CACNA1D: variants seen among roughly 807,000 people sequenced by gnomAD.
CACNA1D encodes the protein calcium voltage-gated channel subunit alpha1 D, also known as voltage-dependent L-type calcium channel subunit alpha-1D.
Under a neutral mutation model 257.1 loss-of-function variants are expected in CACNA1D, and 55 were observed. The ratio of observed to expected loss-of-function variants is 0.21; its 90% CI spans 0.17 to 0.27. The LOEUF is 0.27. Among genes scored for constraint, CACNA1D ranks in the 10% least tolerant of loss-of-function variants. CACNA1D has a pLI of 1.00. For synonymous variants in CACNA1D, 980 were observed against 1,014.9 expected, an observed-to-expected ratio of 0.97 and a Z score of 0.65; for missense variants, 1,876 against 2,784.0, an observed-to-expected ratio of 0.67 and a Z score of 7.34.
In CACNA1D at chr3:53,813,525, C is replaced by T. The variant is rs2095609842; in HGVS notation, c.*2119C>T. ...ACACCACTGTCAACATTATCCTGGA[C>T]TCTGTGTCTCTCTCTGTTGGGTCTT... On this transcript the variant is annotated 3_prime_UTR_variant, in exon 48 of 48. Transcript: ENST00000350061. 1 of 152,226 alleles carries T rather than the reference C, an allele frequency of 6.6e-6. No homozygotes were observed. The highest frequency in any genetic ancestry group is 1.5e-5 in the Non-Finnish European group (1 of 68,048). 9.4% of individuals were successfully genotyped at this position (152,226 alleles called of 1,614,324 possible). A position where few individuals can be genotyped will look rare whatever the true frequency, so the allele number is the denominator to read the frequency against.
At chr3:53,776,162 C>T in intron 35 of CACNA1D, 117 bp downstream of exon 35, 1 of 935,986 alleles carries the variant, frequency 1.1e-6, no homozygotes, top group Non-Finnish European at 1.7e-6. Context: ...TGGATGAGCA[C>T]TCTGGACTCC....
chr3:53,714,515 C>T (rs925230228), intron 9 of CACNA1D, among the ~76,000 whole-genome samples: 4 of 152,168 alleles, frequency 2.6e-5, no homozygotes, highest in Admixed American at 6.5e-5. Context: ...GTGCTGTCGT[C>T]GGTCACTGAG....
At chr3:53,794,067 T>C (rs575910493) in intron 40 of CACNA1D, among the ~76,000 whole-genome samples, 1 of 152,346 alleles carries the variant, frequency 6.6e-6, no homozygotes, top group East Asian at 1.9e-4. Context: ...TCCACAGGAC[T>C]ATTGGGTACT....
At chr3:53,668,378 G>A (rs780974148) in intron 7 of CACNA1D, among the ~76,000 whole-genome samples, 22 of 152,236 alleles carry the variant, frequency 1.4e-4, no homozygotes, top group African/African-American at 2.2e-4. Flanking sequence ...AAAAGTTTCC[G>A]CTTACTTTCC....
chr3:53,511,492 A>C (rs141960016), intron 3 of CACNA1D, among the ~76,000 whole-genome samples: 3 of 152,214 alleles, frequency 2.0e-5, no homozygotes, highest in Admixed American at 1.3e-4. Flanking sequence ...TGTAAGGTAC[A>C]TTGTTGGAGC....
At chr3:53,496,382 C>T (rs1337289039) in intron 1 of CACNA1D, among the ~76,000 whole-genome samples, 1 of 152,218 alleles carries the variant, frequency 6.6e-6, no homozygotes, top group Non-Finnish European at 1.5e-5. Context: ...ATAATCCAGT[C>T]AGTCTATCCT....
chr3:53,504,803 C>CA (rs1280964710), intron 3 of CACNA1D, among the ~76,000 whole-genome samples: 1 of 152,092 alleles, frequency 6.6e-6, no homozygotes, highest in Non-Finnish European at 1.5e-5. Flanking sequence ...TCATATCATT[C>CA]AGTTTCTTAT....
chr3:53,771,561 G>A (rs1407160719), intron 32 of CACNA1D, among the ~76,000 whole-genome samples: 1 of 152,184 alleles, frequency 6.6e-6, no homozygotes, highest in Non-Finnish European at 1.5e-5. Flanking sequence ...GTTGGAGGAA[G>A]GTAAAGTGGG....
intron 3 of CACNA1D, among the ~76,000 whole-genome samples, chr3:53,618,665 C>A (rs74369891): frequency 6.6e-6 from 1 of 152,210 alleles, no homozygotes; most frequent in African/African-American, 2.4e-5. Flanking sequence ...GGGCTCCACC[C>A]GGTCCTGCTC....
intron 3 of CACNA1D, among the ~76,000 whole-genome samples, chr3:53,504,466 G>T (rs2090740706): frequency 6.6e-6 from 1 of 152,108 alleles, no homozygotes; most frequent in African/African-American, 2.4e-5. Flanking sequence ...ACTACCTTGG[G>T]GGGCAGAAGT....
At chr3:53,587,718 A>C (rs2093242114) in intron 3 of CACNA1D, among the ~76,000 whole-genome samples, 1 of 152,196 alleles carries the variant, frequency 6.6e-6, no homozygotes, top group South Asian at 2.1e-4. Flanking sequence ...ACTCAAGCTC[A>C]AAATAGGAAC....
chr3:53,590,777 C>G (rs2093292532), intron 3 of CACNA1D, among the ~76,000 whole-genome samples: 3 of 152,218 alleles, frequency 2.0e-5, no homozygotes, highest in Admixed American at 2.0e-4. Flanking sequence ...TGCCCACATC[C>G]TGGCATTGCC....
intron 3 of CACNA1D, among the ~76,000 whole-genome samples, chr3:53,551,874 C>A (rs1469896439): frequency 1.3e-5 from 2 of 152,188 alleles, no homozygotes; most frequent in African/African-American, 4.8e-5. Flanking sequence ...TGAGGTCTTT[C>A]ACTTGGCTCC....
chr3:53,572,680 G>A (rs111975320), intron 3 of CACNA1D, among the ~76,000 whole-genome samples: 118 of 152,298 alleles, frequency 7.7e-4, no homozygotes, highest in African/African-American at 2.6e-3. Flanking sequence ...GATTACAGGC[G>A]TGAGCCACAG....
In CACNA1D at chr3:53,673,647, G is replaced by A. The variant is rs1316147861; in HGVS notation, c.1220+521G>A. The A allele has an allele frequency of 2.5e-6, 3 of 1,193,018 alleles. No individual in the cohort carries two copies. The highest frequency in any genetic ancestry group is 2.3e-5 in the East Asian group (1 of 42,980). 73.9% of individuals were successfully genotyped at this position (1,193,018 alleles called of 1,614,324 possible). On this transcript the variant is annotated intron_variant, in intron 8 of 47. Coordinates refer to ENST00000350061, the MANE Select transcript of CACNA1D (RefSeq NM_001128840.3). The surrounding 1 kb of genome is among the most constrained non-coding windows in gnomAD (Gnocchi z 4.1). ...CAGCAAAGCACTGAGAGGTTTGGCA[G>A]CTGCAACTGGGGCTCTGCTCTTTAG...
chr3:53,693,794 A>T (rs1231501863), intron 8 of CACNA1D, among the ~76,000 whole-genome samples: 1 of 151,610 alleles, frequency 6.6e-6, no homozygotes, highest in Non-Finnish European at 1.5e-5. Context: ...AATGGAGGTT[A>T]TGTTGTTTTT....
intron 9 of CACNA1D, among the ~76,000 whole-genome samples, chr3:53,709,850 C>T (rs993551925): frequency 7.9e-5 from 12 of 152,210 alleles, no homozygotes; most frequent in African/African-American, 2.4e-4. Context: ...AACAACCTTA[C>T]GCAGTACAGG....
intron 8 of CACNA1D, among the ~76,000 whole-genome samples, chr3:53,694,860 G>A (rs2094559571): frequency 1.3e-5 from 2 of 152,064 alleles, no homozygotes; most frequent in African/African-American, 4.8e-5. Context: ...CACAGGTGAA[G>A]GACCCTGGGC....
rs77997487 is a variant in CACNA1D, at chr3:53,596,619, G to A, written c.484-54160G>A. Reference sequence around the variant, plus strand: ...AGAGTTAGCCGGAGAAGGAGCTGCAGTGATGGAAGCGCAGAAGTCAAGAGT... The same window carrying A: ...AGAGTTAGCCGGAGAAGGAGCTGCAATGATGGAAGCGCAGAAGTCAAGAGT... On this transcript the variant is annotated intron_variant, in intron 3 of 47. Coordinates refer to ENST00000350061, the MANE Select transcript of CACNA1D (RefSeq NM_001128840.3). Among the ~76,000 whole-genome samples, 1,479 of 152,314 alleles carry A rather than the reference G, an allele frequency of 9.7e-3. 36 individuals are homozygous for A. Among genetic ancestry groups the A allele is most frequent in the African/African-American group, 0.033 (1,383 of 41,562 alleles).
Sources: gnomAD v4.1 joint callset for allele counts (sites outside exome capture counted in the v4.1 genomes callset) on GRCh38, gnomAD v4.1.1 for gene constraint, Gnocchi (gnomAD v3.1) non-coding constraint, MANE v1.5 for transcripts, NCBI Gene and HGNC (gene_info 2026-07-23, HGNC 2026-07-21) for gene names.